DMRT1: variants seen among roughly 807,000 people sequenced by gnomAD.
DMRT1 encodes the protein doublesex and mab-3 related transcription factor 1, also known as doublesex- and mab-3-related transcription factor 1.
A neutral mutation model predicts 32.3 loss-of-function variants in DMRT1; 7 were observed. That is an observed-to-expected ratio of 0.22 (90% CI 0.12 to 0.41). DMRT1 has a LOEUF of 0.41. Among genes scored for constraint, DMRT1 ranks in the 10% least tolerant of loss-of-function variants. The pLI, the probability that DMRT1 is intolerant of heterozygous loss-of-function variation, is 1.00. For missense variants in DMRT1, 625 were observed against 500.5 expected (o/e 1.25, Z -2.37); for synonymous variants, 278 against 206.1 (o/e 1.35, Z -2.99).
chr9:919,052 T>A (rs72701007), intron 4 of DMRT1, among the ~76,000 whole-genome samples: 1,526 of 152,206 alleles, frequency 0.01, 29 homozygotes, highest in African/African-American at 0.035. Flanking sequence ...CAGGAAATGA[T>A]GGGTGGGGAT....
intron 3 of DMRT1, among the ~76,000 whole-genome samples, chr9:908,871 T>G (rs1259443855): frequency 6.6e-6 from 1 of 152,104 alleles, no homozygotes; most frequent in East Asian, 1.9e-4. Context: ...AGGGAGAGCT[T>G]TCGTTTGGAA....
chr9:923,907 C>T (rs932555778), intron 4 of DMRT1, among the ~76,000 whole-genome samples: 1 of 152,070 alleles, frequency 6.6e-6, no homozygotes, highest in African/African-American at 2.4e-5. Context: ...AATCTGTTTT[C>T]GTTATGTGTC....
intron 4 of DMRT1, among the ~76,000 whole-genome samples, chr9:966,628 G>C (rs1377171104): frequency 6.6e-6 from 1 of 152,194 alleles, no homozygotes; most frequent in Non-Finnish European, 1.5e-5. Context: ...TGGTCCAGTG[G>C]AGTGGTTAAG....
intron 4 of DMRT1, among the ~76,000 whole-genome samples, chr9:928,746 A>G (rs1307246391): frequency 6.6e-6 from 1 of 152,250 alleles, no homozygotes; most frequent in East Asian, 1.9e-4. Flanking sequence ...ATTTAAGTTT[A>G]AGATGTACAA....
chr9:909,895 G>A (rs554774820), intron 3 of DMRT1, among the ~76,000 whole-genome samples: 26 of 152,158 alleles, frequency 1.7e-4, no homozygotes, highest in African/African-American at 6.3e-4. Context: ...TAAATTTTTT[G>A]TAGAGATGGA....
intron 1 of DMRT1, chr9:842,968 G>A (rs1838752193): frequency 1.3e-5 from 2 of 152,330 alleles, no homozygotes; most frequent in South Asian, 4.1e-4. Flanking sequence ...AGGCTAGAGG[G>A]GAGGGTTCGA....
rs542307568 is a variant in DMRT1 at position 887,738 on chromosome 9, C to G, written c.539-6174C>G. ...CACTCACCGTGGCCTTTTCTGACACCTCTCTATATAGAACCATTTGGTGAC... is the reference window on the plus strand; with the variant it reads ...CACTCACCGTGGCCTTTTCTGACACGTCTCTATATAGAACCATTTGGTGAC... On this transcript the variant is annotated intron_variant, in intron 2 of 4. Transcript: ENST00000382276. Among the ~76,000 whole-genome samples the G allele has an allele frequency of 7.9e-4, 120 of 152,278 alleles. 1 individual carries two copies. The highest frequency in any genetic ancestry group is 1.5e-3 in the Non-Finnish European group (104 of 68,034).
chr9:923,015 G>A (rs999542651), intron 4 of DMRT1, among the ~76,000 whole-genome samples: 1 of 152,134 alleles, frequency 6.6e-6, no homozygotes, highest in Admixed American at 6.5e-5. Context: ...AATCCATCTG[G>A]CGTTGGCAAT....
At chr9:943,459 G>A (rs1315269418) in intron 4 of DMRT1, among the ~76,000 whole-genome samples, 1 of 152,214 alleles carries the variant, frequency 6.6e-6, no homozygotes, top group Non-Finnish European at 1.5e-5. Flanking sequence ...GTTGGCACCA[G>A]GGGCAACGAG....
intron 2 of DMRT1, among the ~76,000 whole-genome samples, chr9:889,704 G>C (rs1258948654): frequency 2.0e-5 from 3 of 152,172 alleles, no homozygotes; most frequent in Non-Finnish European, 4.4e-5. Context: ...TCAAGAACTT[G>C]TGCTGTGCCC....
At chr9:952,020 T>C (rs182688986) in intron 4 of DMRT1, among the ~76,000 whole-genome samples, 2 of 152,328 alleles carry the variant, frequency 1.3e-5, no homozygotes, top group African/African-American at 2.4e-5. Flanking sequence ...TTTAACATTG[T>C]TGTTTTCCTT....
chr9:907,853 G>A (rs201044434), intron 3 of DMRT1, among the ~76,000 whole-genome samples: 1 of 119,028 alleles, frequency 8.4e-6, no homozygotes, highest in South Asian at 2.8e-4. Flanking sequence ...GTGTGTGTGT[G>A]TGTGTTATAT....
At chr9:945,510 T>C (rs1216548736) in intron 4 of DMRT1, among the ~76,000 whole-genome samples, 3 of 152,226 alleles carry the variant, frequency 2.0e-5, no homozygotes, top group East Asian at 3.9e-4. Context: ...TTCATCAAGA[T>C]GAAACTTGCT....
chr9:896,039 G>A (rs1314899377), intron 3 of DMRT1, among the ~76,000 whole-genome samples: 1 of 151,692 alleles, frequency 6.6e-6, no homozygotes, highest in Non-Finnish European at 1.5e-5. Context: ...TCTTGCCCTT[G>A]TGATTGGCCC....
chr9:937,970 G>T (rs1475230313), intron 4 of DMRT1, among the ~76,000 whole-genome samples: 1 of 151,746 alleles, frequency 6.6e-6, no homozygotes, highest in African/African-American at 2.4e-5. Context: ...GAGTTTTATA[G>T]TTATAGTTTT....
chr9:878,452 T>C (rs1415138421), intron 2 of DMRT1, among the ~76,000 whole-genome samples: 2 of 152,132 alleles, frequency 1.3e-5, no homozygotes, highest in Non-Finnish European at 2.9e-5. Flanking sequence ...ACGTTTAAAA[T>C]AGCCCTGTCA....
chr9:929,417 A>G (rs1171067093), intron 4 of DMRT1, among the ~76,000 whole-genome samples: 2 of 152,120 alleles, frequency 1.3e-5, no homozygotes, highest in Non-Finnish European at 2.9e-5. Flanking sequence ...TTCTACAAAA[A>G]CAGTACAAGA....
At chr9:905,488 C>CTGTGTGTGTG (rs57056050) in intron 3 of DMRT1, among the ~76,000 whole-genome samples, 7,354 of 147,752 alleles carry the variant, frequency 0.05, 206 homozygotes, top group Admixed American at 0.079. Flanking sequence ...GTGTGTGTGT[C>CTGTGTGTGTG]TGTGTGTGTG....
chr9:918,255 T>C (rs960765048), intron 4 of DMRT1, among the ~76,000 whole-genome samples: 5 of 152,216 alleles, frequency 3.3e-5, no homozygotes, highest in African/African-American at 1.2e-4. Context: ...GATGAAGCAG[T>C]TAAAGGAACA....
Sources: allele counts gnomAD v4.1 joint callset (sites outside exome capture counted in the v4.1 genomes callset), GRCh38; gene constraint gnomAD v4.1.1; transcripts MANE v1.5; gene names NCBI Gene and HGNC (gene_info 2026-07-23, HGNC 2026-07-21).